The following TUBG2 variants were observed in gnomAD, a reference collection of about 807,000 sequenced individuals.
The protein encoded by TUBG2 is tubulin gamma 2.
In TUBG2, 39 loss-of-function variants were observed where a neutral mutation model predicts 55.1. That is an observed-to-expected ratio of 0.71 (90% confidence interval 0.55 to 0.93). The LOEUF is 0.93. Ranked by LOEUF, TUBG2 falls within the 40% of genes least tolerant of loss-of-function variation. TUBG2 has a pLI of 0.00. For missense variants in TUBG2, 358 were observed against 599.1 expected (o/e 0.60, Z 4.20); for synonymous variants, 223 against 241.0 (o/e 0.93, Z 0.69).
rs753274546 is a variant in TUBG2, at chr17:42,666,347, C to A, written c.1021C>A (p.Arg341=). 10 of 1,614,098 alleles carry A rather than the reference C, an allele frequency of 6.2e-6. No homozygotes were observed. The highest frequency in any genetic ancestry group is 1.7e-5 in the Admixed American group (1 of 60,006). The change falls in exon 10 of 11, where the codon CGG becomes AGG. Residue 341 remains arginine (R), a synonymous_variant. Transcript: ENST00000251412. ...GGTCCACAAGAGCCTGCAGAGGATC[C>A]GGGAACGGAAGTTGGCCAACTTCAT... ...TQVHKSLQRI[R]ERKLANFIPW...
In TUBG2 at chr17:42,666,469, C is replaced by T. The variant is rs776106087; in HGVS notation, c.1143C>T (p.His381=). ...TCAGCGGGCTCATGATGGCCAACCA[C>T]ACCAGCATCTCCTCGGTGAGTCTAG... ...HRVSGLMMAN[H]TSISSLFESS... The change falls in exon 10 of 11, where the codon CAC becomes CAT. Residue 381 remains histidine, a synonymous_variant. Coordinates refer to ENST00000251412, the MANE Select transcript of TUBG2 (RefSeq NM_016437.3). 30 of 1,614,150 alleles carry T rather than the reference C, an allele frequency of 1.9e-5. No individual in the cohort carries two copies. Among genetic ancestry groups the T allele is most frequent in the Non-Finnish European group, 2.5e-5 (30 of 1,179,988 alleles).
At position 42,659,458 on chromosome 17, in the gene TUBG2, G is replaced by A. The variant is rs1337177894; in HGVS notation, c.-46G>A. 1.3e-6 allele frequency: 2 copies of A among 1,536,574 alleles called. No individual in the cohort carries two copies. The highest frequency in any genetic ancestry group is 8.8e-7 in the Non-Finnish European group (1 of 1,140,920). On this transcript the variant is annotated 5_prime_UTR_variant, in exon 1 of 11. In the 5' UTR this introduces an upstream ATG that the reference lacks. Transcript: ENST00000251412. ...TGGCTGCCGGGCATTCGTCTCAGCC[G>A]TGACTCTCGCCAGGCCGGGGCTGGC... is the stretch of plus-strand genomic sequence containing the variant.
At chr17:42,664,685 T>C (rs984528474) in intron 6 of TUBG2, among the ~76,000 whole-genome samples, 3 of 151,858 alleles carry the variant, frequency 2.0e-5, no homozygotes, top group African/African-American at 7.3e-5. Context: ...ATAGGCCTAA[T>C]GAAGGGAAAG....
chr17:42,662,259 A>C (rs143365073), intron 4 of TUBG2, among the ~76,000 whole-genome samples: 2,325 of 152,258 alleles, frequency 0.015, 56 homozygotes, highest in African/African-American at 0.053. Context: ...AGCTATGATC[A>C]CACCACTGCA....
rs1409845569 is a variant in TUBG2, at chr17:42,666,714, T to A, written c.1270T>A (p.Ser424Thr). The change falls in exon 11 of 11, where the codon TCT becomes ACT. Residue 424 changes from serine to threonine, a missense_variant. Transcript: ENST00000251412. ...FKDNFDEMDR[S>T]REVVQELIDE... ...GGACAACTTTGATGAGATGGACAGG[T>A]CTAGGGAGGTTGTTCAGGAGCTCAT... 6.2e-7 allele frequency: 1 copy of A among 1,614,108 alleles called. No individual in the cohort carries two copies. Among genetic ancestry groups the A allele is most frequent in the East Asian group, 2.2e-5 (1 of 44,884 alleles).
rs1489652758 is a variant in TUBG2 at position 42,665,776 on chromosome 17, A to G, written c.792A>G (p.Pro264=). The G allele has an allele frequency of 8.1e-6, 13 of 1,613,800 alleles. No homozygotes were observed. The highest frequency in any genetic ancestry group is 1.7e-5 in the Admixed American group (1 of 59,990). The change falls in exon 8 of 11, where the codon CCA becomes CCG. Residue 264 remains proline (P), a synonymous_variant. Coordinates refer to ENST00000251412, the MANE Select transcript of TUBG2 (RefSeq NM_016437.3). ...TCATCGCCTCGCTCATTCCCACCCCACGGCTCCACTTCCTCATGACCGGCT... is the reference window on the plus strand; with the variant it reads ...TCATCGCCTCGCTCATTCCCACCCCGCGGCTCCACTTCCTCATGACCGGCT... ...IGLIASLIPT[P]RLHFLMTGYT...
chr17:42,659,298 T>A lies in TUBG2; in HGVS notation c.-206T>A, dbSNP rs1035599606. 1 of 529,218 alleles carries A rather than the reference T, an allele frequency of 1.9e-6. No individual in the cohort carries two copies. Among genetic ancestry groups the A allele is most frequent in the African/African-American group, 2.0e-5 (1 of 49,544 alleles). 32.8% of individuals were successfully genotyped at this position (529,218 alleles called of 1,614,324 possible). On this transcript the variant is annotated 5_prime_UTR_variant, in exon 1 of 11. Transcript: ENST00000251412. ...GCCTGTGCGGAATTCCAGCTGCGAC[T>A]GCTGAGGGAGAAAATGATGCCCAGG... is the stretch of plus-strand genomic sequence containing the variant.
In TUBG2 at chr17:42,663,497, T is replaced by C. The variant is rs377149463; in HGVS notation, c.600T>C (p.Asp200=). The C allele has an allele frequency of 3.5e-5, 57 of 1,613,854 alleles. No individual in the cohort carries two copies. The African/African-American group carries it at 6.8e-4, about 19-fold the overall frequency. ...TCAAGAGGCTGACGCAGAACGCAGA[T>C]TGTGTGGTGAGCAAAGAAAGAGTTG... ...LTLKRLTQNA[D]CVVVLDNTAL... is the part of the protein sequence containing the mutation. Residue 200 remains aspartate (D), a synonymous_variant, in exon 6 of 11, where the codon GAT becomes GAC. Transcript: ENST00000251412.
At chr17:42,663,262 T>C (rs1307829175) in intron 5 of TUBG2, 115 bp from the exon 6 acceptor site, 1 of 1,492,430 alleles carries the variant, frequency 6.7e-7, no homozygotes, top group Non-Finnish European at 9.1e-7. Context: ...AGGCTTATCC[T>C]TTTTGGCTCT....
chr17:42,663,009 G>T lies in TUBG2; in HGVS notation c.436G>T (p.Gly146Cys). Reference protein sequence around the residue: ...VLCHSIAGGTGSGLGSYLLER... With the variant: ...VLCHSIAGGTCSGLGSYLLER... ...GTGTCACTCCATCGCTGGGGGTACG[G>T]GTTCTGGCCTGGGCTCCTACCTCCT... The change falls in exon 5 of 11, where the codon GGT becomes TGT. Residue 146 changes from glycine to cysteine, a missense_variant. By Grantham distance (159) the Gly-to-Cys change is radical. Around this residue, in one of 8 missense-constraint regions of TUBG2, gnomAD observed 40 missense variants for 40.4 expected, o/e 0.99. Transcript: ENST00000251412. 1.2e-6 allele frequency: 2 copies of T among 1,614,172 alleles called. No individual in the cohort carries two copies.
chr17:42,662,154 C>T (rs2143517250), intron 4 of TUBG2, among the ~76,000 whole-genome samples: 1 of 151,758 alleles, frequency 6.6e-6, no homozygotes, highest in East Asian at 1.9e-4. Flanking sequence ...AATATACAAA[C>T]ATTATCCAGG....
Position 42,666,329 on chromosome 17 carries a change from A to G in TUBG2, c.1003A>G (p.Lys335Glu), listed in dbSNP as rs368747644. 6.2e-7 allele frequency: 1 copy of G among 1,614,042 alleles called. No homozygotes were observed. The highest frequency in any genetic ancestry group is 1.3e-5 in the African/African-American group (1 of 74,916). ...QGEVDPTQVH[K>E]SLQRIRERKL... ...GCTCCTATGCCCACCCCAGGTCCAC[A>G]AGAGCCTGCAGAGGATCCGGGAACG... The change falls in exon 10 of 11, where the codon AAG becomes GAG. Residue 335 changes from lysine to glutamate, a missense_variant. By Grantham distance (56) the Lys-to-Glu change is moderately conservative. Around this residue, in one of 8 missense-constraint regions of TUBG2, gnomAD observed 129 missense variants for 251.6 expected, o/e 0.51. Transcript: ENST00000251412.
In TUBG2 at chr17:42,666,575, G is replaced by A. The variant is rs370075483; in HGVS notation, c.1159-28G>A. On this transcript the variant is annotated intron_variant, in intron 10 of 10. Transcript: ENST00000251412. ...AAGTTCACTCCTAACCCCCTGGCTC[G>A]CATTTTGGAGATTTTCATCTCTTTC... 91 of 1,613,988 alleles carry A rather than the reference G, an allele frequency of 5.6e-5. No individual in the cohort carries two copies. The East Asian group carries it at 1.2e-3, about 22-fold the overall frequency.
Position 42,666,788 on chromosome 17 carries a change from C to G in TUBG2, c.1344C>G (p.Thr448=). ...AGCCAGACTACATTTCCTGGGGCAC[C>G]CAGGAGCAGTGATTTCCCTCCCCAC... is the stretch of plus-strand genomic sequence containing the variant. The part of the protein sequence containing the change: ...ATQPDYISWG[T]QEQ The change falls in exon 11 of 11, where the codon ACC becomes ACG. Residue 448 remains threonine (T), a synonymous_variant. Coordinates refer to ENST00000251412, the MANE Select transcript of TUBG2 (RefSeq NM_016437.3). 3 of 1,614,016 alleles carry G rather than the reference C, an allele frequency of 1.9e-6. No individual in the cohort carries two copies. Among genetic ancestry groups the G allele is most frequent in the Non-Finnish European group, 2.5e-6 (3 of 1,179,988 alleles).
In TUBG2 at chr17:42,659,343, G is replaced by C; in HGVS notation, c.-161G>C. ...CCCAGGTTGGGCTCCCCGGCCCACC[G>C]GCCGAGGAGAGGCCTGCGCTGCACA... On this transcript the variant is annotated 5_prime_UTR_variant, in exon 1 of 11. Coordinates refer to ENST00000251412, the MANE Select transcript of TUBG2 (RefSeq NM_016437.3). 1 of 671,580 alleles carries C rather than the reference G, an allele frequency of 1.5e-6. No individual in the cohort carries two copies. The highest frequency in any genetic ancestry group is 2.3e-6 in the Non-Finnish European group (1 of 431,414). The allele number at this position is 671,580 out of a possible 1,614,324, so 41.6% of individuals were successfully genotyped here. A position where few individuals can be genotyped will look rare whatever the true frequency, so the allele number is the denominator to read the frequency against.
In TUBG2 at chr17:42,659,888, G is replaced by A; in HGVS notation, c.104G>A (p.Gly35Asp). 6.2e-7 allele frequency: 1 copy of A among 1,613,726 alleles called. No individual in the cohort carries two copies. Among genetic ancestry groups the A allele is most frequent in the Non-Finnish European group, 8.5e-7 (1 of 1,179,866 alleles). ...GCCGAGCATGGTATCAGCCCCGAGGGCATCGTGGAGGAATTCGCCACCGAG... is the reference window on the plus strand; with the variant it reads ...GCCGAGCATGGTATCAGCCCCGAGGACATCGTGGAGGAATTCGCCACCGAG... ...LCAEHGISPEGIVEEFATEGT... is the reference protein window; with the variant it reads ...LCAEHGISPEDIVEEFATEGT... The change falls in exon 2 of 11, where the codon GGC (glycine) becomes GAC (aspartate). Residue 35 changes from glycine to aspartate, a missense_variant. Physicochemically the swap from Gly to Asp is moderately conservative, Grantham distance 94 (BLOSUM62 -1). Around this residue, in one of 8 missense-constraint regions of TUBG2, gnomAD observed 32 missense variants for 115.1 expected, o/e 0.28. Coordinates refer to ENST00000251412, the MANE Select transcript of TUBG2 (RefSeq NM_016437.3).
At position 42,659,309 on chromosome 17, in the gene TUBG2, A is replaced by G. The variant is rs1254092420; in HGVS notation, c.-195A>G. 1 of 537,334 alleles carries G rather than the reference A, an allele frequency of 1.9e-6. No homozygotes were observed. The highest frequency in any genetic ancestry group is 3.2e-6 in the Non-Finnish European group (1 of 311,090). The allele number at this position is 537,334 out of a possible 1,614,324, so 33.3% of individuals were successfully genotyped here. ...ATTCCAGCTGCGACTGCTGAGGGAG[A>G]AAATGATGCCCAGGTTGGGCTCCCC... On this transcript the variant is annotated 5_prime_UTR_variant, in exon 1 of 11. Coordinates refer to ENST00000251412, the MANE Select transcript of TUBG2 (RefSeq NM_016437.3).
chr17:42,666,693 A>G lies in TUBG2; in HGVS notation c.1249A>G (p.Asn417Asp). 2.5e-6 allele frequency: 4 copies of G among 1,614,150 alleles called. No individual in the cohort carries two copies. The highest frequency in any genetic ancestry group is 3.4e-6 in the Non-Finnish European group (4 of 1,180,002). The change falls in exon 11 of 11, where the codon AAC (asparagine) becomes GAC (aspartate). Residue 417 changes from asparagine (N) to aspartate (D), a missense_variant. Transcript: ENST00000251412. ...CCGTAAGGAGGACATGTTCAAGGAC[A>G]ACTTTGATGAGATGGACAGGTCTAG... ...QFRKEDMFKD[N>D]FDEMDRSREV...
At chr17:42,664,342 C>A (rs1306344877) in intron 6 of TUBG2, among the ~76,000 whole-genome samples, 1 of 151,716 alleles carries the variant, frequency 6.6e-6, no homozygotes, top group Non-Finnish European at 1.5e-5. Context: ...CTCATTCACC[C>A]CACCTTTCCT....
Sources: gnomAD v4.1 joint callset for allele counts (sites outside exome capture counted in the v4.1 genomes callset) on GRCh38, gnomAD v4.1.1 for gene constraint, gnomAD v4.1.1 regional missense constraint, MANE v1.5 for transcripts, NCBI Gene and HGNC (gene_info 2026-07-23, HGNC 2026-07-21) for gene names.